The following PDSS2 variants were observed in gnomAD, a reference collection of about 807,000 sequenced individuals.
PDSS2 encodes all trans-polyprenyl-diphosphate synthase PDSS2.
In PDSS2, 31 loss-of-function variants were observed where a neutral mutation model predicts 44.5. That is an observed-to-expected ratio of 0.70 (90% CI 0.52 to 0.94). The LOEUF (loss-of-function observed/expected upper bound fraction) is 0.94, where lower values mean the gene tolerates loss of function less well. Among genes scored for constraint, PDSS2 ranks in the 40% least tolerant of loss-of-function variants. PDSS2 has a pLI of 0.00. For synonymous variants in PDSS2, 157 were observed against 180.3 expected (o/e 0.87, Z 1.03); for missense variants, 452 against 482.2 (o/e 0.94, Z 0.59).
At position 107,207,978 on chromosome 6, in the gene PDSS2, G is replaced by GTTTTTTTTTT. The variant is rs756043067; in HGVS notation, c.1008+2451_1008+2460dup. Reference sequence around the variant, plus strand: ...TTTTAGTTTTCTCTGTCTATGACTTGTTTTTTTTTTTTTTTTTTTTTTTAT... The same window carrying GTTTTTTTTTT: ...TTTTAGTTTTCTCTGTCTATGACTTGTTTTTTTTTTTTTTTTTTTTTTTTTTTTTTTTTAT... On this transcript the variant is annotated intron_variant, in intron 6 of 7. Coordinates refer to ENST00000369037, the MANE Select transcript of PDSS2 (RefSeq NM_020381.4). Among the ~76,000 whole-genome samples the GTTTTTTTTTT allele has an allele frequency of 2.7e-4, 18 of 67,550 alleles. 2 individuals carry two copies. Among genetic ancestry groups the GTTTTTTTTTT allele is most frequent in the East Asian group, 2.4e-3 (4 of 1,662 alleles). The allele number at this position is 67,550 out of a possible 152,430, so 44.3% of individuals were successfully genotyped here.
chr6:107,307,953 A>G (rs537076095), intron 2 of PDSS2, among the ~76,000 whole-genome samples: 7 of 152,334 alleles, frequency 4.6e-5, no homozygotes, highest in African/African-American at 1.7e-4. Flanking sequence ...TATAAGGAAT[A>G]AGATAAATGT....
intron 1 of PDSS2, among the ~76,000 whole-genome samples, chr6:107,346,431 C>T (rs1194856650): frequency 6.6e-6 from 1 of 152,232 alleles, no homozygotes; most frequent in Non-Finnish European, 1.5e-5. Flanking sequence ...TTATTTTTTC[C>T]ATATCTATTA....
intron 1 of PDSS2, 103 bp from the exon 2 acceptor site, chr6:107,334,435 A>G (rs1777811469): frequency 9.5e-7 from 1 of 1,048,708 alleles, no homozygotes; most frequent in South Asian, 1.3e-5. Context: ...AAACTGGACA[A>G]TGAGACTTAC....
At chr6:107,238,145 C>T (rs1344883925) in intron 4 of PDSS2, among the ~76,000 whole-genome samples, 2 of 152,080 alleles carry the variant, frequency 1.3e-5, no homozygotes, top group Non-Finnish European at 2.9e-5. Flanking sequence ...GAGGCCAAGC[C>T]AATAAGAGCT....
At chr6:107,163,832 A>G (rs1322430395) in intron 7 of PDSS2, among the ~76,000 whole-genome samples, 1 of 152,086 alleles carries the variant, frequency 6.6e-6, no homozygotes, top group East Asian at 1.9e-4. Flanking sequence ...TGAACTCCTG[A>G]CCTCAGGTGA....
Position 107,231,497 on chromosome 6 carries a change from G to A in PDSS2, c.702+14051C>T, listed in dbSNP as rs1285784288. Among the ~76,000 whole-genome samples the A allele has an allele frequency of 3.3e-5, 5 of 152,148 alleles. No individual in the cohort carries two copies. In the South Asian group the frequency reaches 1.0e-3, roughly 32 times the overall value. ...GCTTCACACCTGTTTTTATTTCAAC[G>A]CTCCTCCAGCTGGTCTCTCTGCTTC... is the stretch of plus-strand genomic sequence containing the variant. On this transcript the variant is annotated intron_variant, in intron 4 of 7. Coordinates refer to ENST00000369037, the MANE Select transcript of PDSS2 (RefSeq NM_020381.4).
At chr6:107,272,387 C>CT (rs1487786567) in intron 3 of PDSS2, among the ~76,000 whole-genome samples, 2 of 152,108 alleles carry the variant, frequency 1.3e-5, no homozygotes, top group African/African-American at 2.4e-5. Flanking sequence ...GAGATCTGCC[C>CT]TTTTTTTGTC....
intron 1 of PDSS2, among the ~76,000 whole-genome samples, chr6:107,440,948 A>G (rs1481394724): frequency 2.0e-5 from 3 of 152,262 alleles, no homozygotes; most frequent in African/African-American, 7.2e-5. Context: ...TATGGTCATA[A>G]TCTAAATTCT....
At chr6:107,273,203 C>G (rs1055393756) in intron 3 of PDSS2, among the ~76,000 whole-genome samples, 1 of 152,036 alleles carries the variant, frequency 6.6e-6, no homozygotes, top group African/African-American at 2.4e-5. Flanking sequence ...AGACTGGTCT[C>G]GAACTCCTGA....
At chr6:107,375,244 G>A (rs1779249947) in intron 1 of PDSS2, among the ~76,000 whole-genome samples, 1 of 151,634 alleles carries the variant, frequency 6.6e-6, no homozygotes, top group African/African-American at 2.4e-5. Flanking sequence ...AGCAAAAATT[G>A]ATAAAACAGA....
chr6:107,207,055 C>T (rs553279004), intron 6 of PDSS2, among the ~76,000 whole-genome samples: 5 of 151,210 alleles, frequency 3.3e-5, no homozygotes, highest in South Asian at 4.2e-4. Context: ...TGCAGTGGCG[C>T]GATCTCAGCT....
chr6:107,416,378 G>A (rs2114677563), intron 1 of PDSS2, among the ~76,000 whole-genome samples: 2 of 152,244 alleles, frequency 1.3e-5, no homozygotes, highest in Non-Finnish European at 2.9e-5. Flanking sequence ...TGTTGTTTAT[G>A]ATTACAGGCT....
chr6:107,456,938 T>TA (rs1202729654), intron 1 of PDSS2, among the ~76,000 whole-genome samples: 3 of 152,232 alleles, frequency 2.0e-5, no homozygotes, highest in Admixed American at 6.5e-5. Context: ...ACAGGACTGG[T>TA]AAAGTTACAA....
intron 6 of PDSS2, among the ~76,000 whole-genome samples, chr6:107,194,912 C>G (rs1480282843): frequency 6.6e-6 from 1 of 152,042 alleles, no homozygotes; most frequent in Non-Finnish European, 1.5e-5. Context: ...TGAGATCATG[C>G]CACTGCACTC....
At chr6:107,446,670 A>G (rs1223314575) in intron 1 of PDSS2, among the ~76,000 whole-genome samples, 2 of 152,172 alleles carry the variant, frequency 1.3e-5, no homozygotes, top group Non-Finnish European at 2.9e-5. Flanking sequence ...CATGGCCAAA[A>G]GCACCTCTTC....
intron 6 of PDSS2, among the ~76,000 whole-genome samples, chr6:107,207,227 C>T (rs576637173): frequency 2.0e-5 from 3 of 151,904 alleles, no homozygotes; most frequent in African/African-American, 7.3e-5. Flanking sequence ...TTCCTGACCT[C>T]GTGATCCGCC....
Position 107,182,474 on chromosome 6 carries a change from G to A in PDSS2, c.1041+11348C>T, listed in dbSNP as rs555674954. 1.5e-3 allele frequency among the ~76,000 whole-genome samples: 223 copies of A among 152,184 alleles called. 1 individual carries two copies. The highest frequency in any genetic ancestry group is 4.2e-3 in the African/African-American group (175 of 41,512). ...TGAGTAGCTGGGACTATAGGTACCC[G>A]CCACCACACCAGGCTAATTTTTGTA... On this transcript the variant is annotated intron_variant, in intron 7 of 7. Transcript: ENST00000369037.
At chr6:107,245,695 G>T (rs1354195211) in intron 3 of PDSS2, 76 bp from the exon 4 acceptor site, 3 of 942,160 alleles carry the variant, frequency 3.2e-6, no homozygotes, top group Non-Finnish European at 4.8e-6. Flanking sequence ...GTTTCAGAAG[G>T]CTCAGTGGCA....
At chr6:107,409,510 T>TC in intron 1 of PDSS2, among the ~76,000 whole-genome samples, 1 of 152,254 alleles carries the variant, frequency 6.6e-6, no homozygotes, top group South Asian at 2.1e-4. Flanking sequence ...AAGCTATTTT[T>TC]CTCTTTCCCT....
Sources: gnomAD v4.1 joint callset for allele counts (sites outside exome capture counted in the v4.1 genomes callset) on GRCh38, gnomAD v4.1.1 for gene constraint, MANE v1.5 for transcripts, NCBI Gene and HGNC (gene_info 2026-07-23, HGNC 2026-07-21) for gene names.